QTMAN: variants seen among roughly 807,000 people sequenced by gnomAD.
QTMAN encodes queuosine-tRNA mannosyltransferase.
the QTMAN span, among the ~76,000 whole-genome samples, chr2:144,167,120 T>C: frequency 1.3e-5 from 2 of 152,210 alleles, no homozygotes; most frequent in African/African-American, 4.8e-5. Context: ...TCTCATTCCC[T>C]TTTCCATGCA....
At chr2:144,233,864 A>G in the QTMAN span, among the ~76,000 whole-genome samples, 1 of 152,130 alleles carries the variant, frequency 6.6e-6, no homozygotes, top group Admixed American at 6.6e-5. Context: ...AGAGATTAAC[A>G]TTTTTTAAAA....
the QTMAN span, among the ~76,000 whole-genome samples, chr2:144,020,238 G>A: frequency 6.6e-6 from 1 of 152,168 alleles, no homozygotes; most frequent in East Asian, 1.9e-4. Flanking sequence ...GTGAAGACAG[G>A]CATTTCCTGC....
At chr2:144,170,821 T>A in the QTMAN span, among the ~76,000 whole-genome samples, 3 of 152,216 alleles carry the variant, frequency 2.0e-5, no homozygotes, top group Middle Eastern at 3.4e-3. Flanking sequence ...TAGTACCAAA[T>A]TACGTCCTAG....
At chr2:144,075,542 A>C in the QTMAN span, among the ~76,000 whole-genome samples, 10 of 152,244 alleles carry the variant, frequency 6.6e-5, no homozygotes, top group East Asian at 1.9e-3. Flanking sequence ...AGAGAAACAC[A>C]AAGGGAACTT....
chr2:144,197,759 T>G, the QTMAN span, among the ~76,000 whole-genome samples: 1 of 152,194 alleles, frequency 6.6e-6, no homozygotes, highest in African/African-American at 2.4e-5. Flanking sequence ...AGAATCTCAC[T>G]ATTTTTCTAT....
At chr2:144,007,560 T>C in the QTMAN span, 91 of 1,461,090 alleles carry the variant, frequency 6.2e-5, no homozygotes, top group African/African-American at 8.5e-5. Context: ...GAATGCAATA[T>C]ACTTTTAGTG....
At chr2:144,291,328 G>A in the QTMAN span, among the ~76,000 whole-genome samples, 1 of 152,170 alleles carries the variant, frequency 6.6e-6, no homozygotes, top group East Asian at 1.9e-4. Context: ...ATAACAGCTA[G>A]TACAACCACA....
At chr2:143,997,057 T>A in the QTMAN span, among the ~76,000 whole-genome samples, 3 of 151,940 alleles carry the variant, frequency 2.0e-5, no homozygotes, top group Non-Finnish European at 1.5e-5. Context: ...TTACCACAAG[T>A]GAAAAAACTG....
chr2:144,123,862 A>C, the QTMAN span, among the ~76,000 whole-genome samples: 2 of 152,156 alleles, frequency 1.3e-5, no homozygotes, highest in African/African-American at 4.8e-5. Context: ...TAATAAGAGG[A>C]AATAAAATAG....
At chr2:144,077,215 T>C in the QTMAN span, among the ~76,000 whole-genome samples, 2 of 152,310 alleles carry the variant, frequency 1.3e-5, no homozygotes, top group African/African-American at 4.8e-5. Context: ...ACACAATGAC[T>C]CCCAAGGCAG....
the QTMAN span, among the ~76,000 whole-genome samples, chr2:144,312,124 G>C: frequency 1.3e-5 from 2 of 151,226 alleles, no homozygotes; most frequent in East Asian, 3.9e-4. Flanking sequence ...ATCAGTTACA[G>C]CAAGCAAAAA....
chr2:144,319,762 G>A, the QTMAN span: 1 of 152,066 alleles, frequency 6.6e-6, no homozygotes, highest in South Asian at 2.1e-4. Context: ...GTGCATAATA[G>A]ATGGCAATCC....
chr2:144,054,875 T>C, the QTMAN span, among the ~76,000 whole-genome samples: 2 of 152,350 alleles, frequency 1.3e-5, no homozygotes, highest in Admixed American at 1.3e-4. Context: ...TAGCTCCTAA[T>C]GTTGACAAGT....
chr2:144,101,394 T>TCTCTCTCTCACACACACA, the QTMAN span, among the ~76,000 whole-genome samples: 7 of 150,124 alleles, frequency 4.7e-5, no homozygotes, highest in Admixed American at 1.3e-4. Flanking sequence ...TATCTCTCTC[T>TCTCTCTCTCACACACACA]CACACACACA....
At chr2:144,203,416 T>A in the QTMAN span, among the ~76,000 whole-genome samples, 5 of 152,106 alleles carry the variant, frequency 3.3e-5, no homozygotes, top group Non-Finnish European at 4.4e-5. Context: ...TGAAATACTG[T>A]GGAAGAAGCC....
chr2:143,998,326 G>A, the QTMAN span, among the ~76,000 whole-genome samples: 18 of 151,944 alleles, frequency 1.2e-4, no homozygotes, highest in Non-Finnish European at 1.9e-4. Context: ...TAAACATTTT[G>A]TTTCTCTGTT....
chr2:144,109,172 G>A, the QTMAN span, among the ~76,000 whole-genome samples: 3 of 152,186 alleles, frequency 2.0e-5, no homozygotes, highest in African/African-American at 7.2e-5. Context: ...AACCAAAACA[G>A]CATGGTACTG....
At chr2:143,989,701 A>T in the QTMAN span, among the ~76,000 whole-genome samples, 1 of 152,186 alleles carries the variant, frequency 6.6e-6, no homozygotes, top group Non-Finnish European at 1.5e-5. Flanking sequence ...ACACGTACAC[A>T]TATATGAATA....
the QTMAN span, among the ~76,000 whole-genome samples, chr2:144,103,997 C>T: frequency 3.3e-5 from 5 of 151,984 alleles, no homozygotes; most frequent in Admixed American, 6.6e-5. Context: ...GGCTGAGGCA[C>T]GAGAAATGCT....
Sources: allele counts gnomAD v4.1 joint callset (sites outside exome capture counted in the v4.1 genomes callset), GRCh38; gene constraint gnomAD v4.1.1; transcripts MANE v1.5; gene names NCBI Gene and HGNC (gene_info 2026-07-23, HGNC 2026-07-21).